Variants in ROBO2 observed in about 807,000 individuals in gnomAD.
The protein encoded by ROBO2 is roundabout guidance receptor 2.
In ROBO2, 53 loss-of-function variants were observed where a neutral mutation model predicts 160.8. That is an observed-to-expected ratio of 0.33 (90% CI 0.26 to 0.41). ROBO2 has a LOEUF of 0.41. ROBO2 is among the 10% of genes least tolerant of loss of function. The pLI is 1.00. For synonymous variants in ROBO2, 664 were observed against 611.7 expected, an observed-to-expected ratio of 1.09 and a Z score of -1.26; for missense variants, 1,577 against 1,722.4, an observed-to-expected ratio of 0.92 and a Z score of 1.49.
At chr3:77,545,838 G>T (rs1007565904) in intron 6 of ROBO2, among the ~76,000 whole-genome samples, 3 of 151,854 alleles carry the variant, frequency 2.0e-5, no homozygotes, top group Non-Finnish European at 4.4e-5. Flanking sequence ...TTGAATTCTA[G>T]ATATAAGCAC....
At chr3:76,790,301 C>T (rs187888993) in intron 2 of ROBO2, among the ~76,000 whole-genome samples, 1 of 151,542 alleles carries the variant, frequency 6.6e-6, no homozygotes, top group East Asian at 1.9e-4. Context: ...GCTTTTAGGA[C>T]AATTATAGGA....
chr3:77,640,751 A>T (rs1256300411), intron 24 of ROBO2, among the ~76,000 whole-genome samples: 1 of 152,224 alleles, frequency 6.6e-6, no homozygotes, highest in African/African-American at 2.4e-5. Flanking sequence ...AATGTATTTG[A>T]TTACATACTT....
chr3:76,960,585 A>G (rs4855996), intron 2 of ROBO2, among the ~76,000 whole-genome samples: 27,426 of 152,104 alleles, frequency 0.18, 3,066 homozygotes, highest in Admixed American at 0.27. Context: ...AAAAGAAAAA[A>G]AGAAAGGCAT....
intron 2 of ROBO2, among the ~76,000 whole-genome samples, chr3:76,035,373 G>A (rs148665262): frequency 1.3e-5 from 2 of 151,842 alleles, no homozygotes; most frequent in East Asian, 1.9e-4. Flanking sequence ...TCTCAGCATG[G>A]ATTATCCCAG....
intron 2 of ROBO2, among the ~76,000 whole-genome samples, chr3:77,026,831 C>T (rs1243433549): frequency 2.6e-5 from 4 of 152,180 alleles, no homozygotes; most frequent in African/African-American, 4.8e-5. Context: ...TTATCATTTT[C>T]CCCTCGATTT....
chr3:77,352,024 T>C lies in ROBO2; in HGVS notation c.389-125390T>C, dbSNP rs569996436. On this transcript the variant is annotated intron_variant, in intron 2 of 25. Transcript: ENST00000461745. The stretch of plus-strand genomic sequence containing the variant: ...ATGACGAGTTAATGGGTGCAGCACA[T>C]CAACATGGAACATGCATACATATGT... 1.3e-4 allele frequency among the ~76,000 whole-genome samples: 20 copies of C among 150,454 alleles called. 1 individual carries two copies. Among genetic ancestry groups the C allele is most frequent in the African/African-American group, 4.6e-4 (19 of 40,950 alleles).
intron 2 of ROBO2, among the ~76,000 whole-genome samples, chr3:77,445,800 T>TTG (rs1337304958): frequency 2.5e-5 from 3 of 121,178 alleles, no homozygotes; most frequent in African/African-American, 7.8e-5. Context: ...TTTTGTTTTT[T>TTG]TTTTTTTTTT....
At chr3:76,383,872 T>C (rs1694265905) in intron 2 of ROBO2, among the ~76,000 whole-genome samples, 1 of 152,224 alleles carries the variant, frequency 6.6e-6, no homozygotes, top group South Asian at 2.1e-4. Context: ...TGAGAGACTC[T>C]GAATTTTCTA....
At chr3:77,515,477 G>A (rs1008847986) in intron 5 of ROBO2, among the ~76,000 whole-genome samples, 2 of 151,530 alleles carry the variant, frequency 1.3e-5, no homozygotes, top group Non-Finnish European at 3.0e-5. Context: ...AGGCCAACAC[G>A]CACACACACA....
chr3:75,929,782 C>T (rs1461097888), intron 1 of ROBO2, among the ~76,000 whole-genome samples: 2 of 150,040 alleles, frequency 1.3e-5, no homozygotes, highest in Non-Finnish European at 3.0e-5. Context: ...GCAACCTCCT[C>T]CTCCCGGTTT....
chr3:76,141,155 CTCTCTATATATATATATATA>C (rs1470736438), intron 2 of ROBO2, among the ~76,000 whole-genome samples: 13 of 25,030 alleles, frequency 5.2e-4, no homozygotes, highest in African/African-American at 2.3e-3. Context: ...CTCTCTCTCT[CTCTCTATATATATATATATA>C]TATATATATA....
At chr3:77,293,726 A>T (rs2061622553) in intron 2 of ROBO2, among the ~76,000 whole-genome samples, 1 of 141,662 alleles carries the variant, frequency 7.1e-6, no homozygotes, top group South Asian at 2.2e-4. Context: ...AGTAAAATTG[A>T]TGGTTAAACG....
intron 2 of ROBO2, among the ~76,000 whole-genome samples, chr3:77,235,357 T>A (rs966292319): frequency 5.4e-5 from 8 of 148,110 alleles, no homozygotes; most frequent in South Asian, 2.1e-4. Flanking sequence ...AGGAGAATAT[T>A]TTTTTTTTTT....
chr3:77,199,875 G>A (rs1199155066), intron 2 of ROBO2, among the ~76,000 whole-genome samples: 1 of 151,104 alleles, frequency 6.6e-6, no homozygotes, highest in Non-Finnish European at 1.5e-5. Context: ...TGATCCTCCT[G>A]TCTCAGCCTC....
chr3:75,954,266 C>T (rs1402729927), intron 2 of ROBO2, among the ~76,000 whole-genome samples: 1 of 151,870 alleles, frequency 6.6e-6, no homozygotes, highest in African/African-American at 2.4e-5. Context: ...AGTCCTACCA[C>T]TCTCAAGGAC....
chr3:76,384,973 C>T (rs183152270), intron 2 of ROBO2, among the ~76,000 whole-genome samples: 8 of 152,228 alleles, frequency 5.3e-5, no homozygotes, highest in East Asian at 3.9e-4. Context: ...TTATTTTGTC[C>T]GCAAAGTGTC....
At chr3:76,418,486 G>A (rs1052238413) in intron 2 of ROBO2, among the ~76,000 whole-genome samples, 2 of 152,046 alleles carry the variant, frequency 1.3e-5, no homozygotes, top group Non-Finnish European at 2.9e-5. Flanking sequence ...TGATCCACCC[G>A]CCTCGGCCTC....
At chr3:76,247,615 C>A (rs1030617736) in intron 2 of ROBO2, among the ~76,000 whole-genome samples, 10 of 152,028 alleles carry the variant, frequency 6.6e-5, no homozygotes, top group African/African-American at 2.4e-4. Context: ...ACCTGAGGAC[C>A]CACGCTGCTT....
chr3:76,423,196 G>A (rs571647521), intron 2 of ROBO2, among the ~76,000 whole-genome samples: 63 of 152,146 alleles, frequency 4.1e-4, no homozygotes, highest in Non-Finnish European at 6.5e-4. Context: ...ACAGGAAGAG[G>A]ATGAAATAGA....
Sources: allele counts gnomAD v4.1 joint callset (sites outside exome capture counted in the v4.1 genomes callset), GRCh38; gene constraint gnomAD v4.1.1; transcripts MANE v1.5; gene names NCBI Gene and HGNC (gene_info 2026-07-23, HGNC 2026-07-21).